STK17A: variants seen among roughly 807,000 people sequenced by gnomAD.
STK17A encodes serine/threonine kinase 17a, also known as serine/threonine-protein kinase 17A.
A neutral mutation model predicts 43.7 loss-of-function variants in STK17A; 26 were observed. The ratio of observed to expected loss-of-function variants is 0.60; its 90% CI spans 0.44 to 0.83. The LOEUF (loss-of-function observed/expected upper bound fraction) is 0.83. Ranked by LOEUF, STK17A falls within the 40% of genes least tolerant of loss-of-function variation. The pLI is 0.00. For synonymous variants in STK17A, 191 were observed against 182.5 expected, an observed-to-expected ratio of 1.05 and a Z score of -0.38; for missense variants, 476 against 511.6, an observed-to-expected ratio of 0.93 and a Z score of 0.67.
chr7:43,611,500 TTACC>T (rs1197607621), intron 3 of STK17A, among the ~76,000 whole-genome samples: 1 of 152,128 alleles, frequency 6.6e-6, no homozygotes, highest in Non-Finnish European at 1.5e-5. Flanking sequence ...ATGCTGAAGG[TTACC>T]TAGTTAAAAC....
At chr7:43,584,972 G>A (rs1306230446) in intron 1 of STK17A, among the ~76,000 whole-genome samples, 1 of 152,176 alleles carries the variant, frequency 6.6e-6, no homozygotes, top group Non-Finnish European at 1.5e-5. Context: ...TGAGGCGGGT[G>A]GATCACCTGA....
intron 4 of STK17A, 31 bp downstream of exon 4, chr7:43,619,754 G>T: frequency 6.2e-7 from 1 of 1,608,274 alleles, no homozygotes. Context: ...TTTTGTTCTG[G>T]GGTCAGGCAT....
intron 2 of STK17A, among the ~76,000 whole-genome samples, chr7:43,599,900 G>A (rs2082544287): frequency 6.6e-6 from 1 of 151,808 alleles, no homozygotes; most frequent in Non-Finnish European, 1.5e-5. Context: ...GGCATTTAAA[G>A]GCTGGAGTTC....
intron 2 of STK17A, among the ~76,000 whole-genome samples, chr7:43,598,807 A>T (rs2082537574): frequency 6.6e-6 from 1 of 151,086 alleles, no homozygotes; most frequent in Admixed American, 6.6e-5. Flanking sequence ...TCTGTGACCC[A>T]GGCTGGAGTG....
rs904149545 is a variant in STK17A, at chr7:43,589,084, G to C, written c.206+5635G>C. ...GTCAATAAAACAGCAAGTCAGAGCAGTAGAAAAATTCAGTGAAGAGAGAAT... is the reference window on the plus strand; with the variant it reads ...GTCAATAAAACAGCAAGTCAGAGCACTAGAAAAATTCAGTGAAGAGAGAAT... On this transcript the variant is annotated intron_variant, in intron 1 of 6. Coordinates refer to ENST00000319357, the MANE Select transcript of STK17A (RefSeq NM_004760.3). 2.6e-5 allele frequency among the ~76,000 whole-genome samples: 4 copies of C among 151,572 alleles called. 1 individual carries two copies. Among genetic ancestry groups the C allele is most frequent in the Non-Finnish European group, 5.9e-5 (4 of 67,620 alleles).
At chr7:43,588,606 C>G (rs2082459263) in intron 1 of STK17A, among the ~76,000 whole-genome samples, 4 of 151,280 alleles carry the variant, frequency 2.6e-5, no homozygotes, top group African/African-American at 9.7e-5. Context: ...TTTAGGAGGC[C>G]AAGGTGGGCG....
intron 2 of STK17A, among the ~76,000 whole-genome samples, chr7:43,606,571 A>AT (rs951759667): frequency 1.3e-5 from 2 of 152,164 alleles, no homozygotes; most frequent in Admixed American, 6.5e-5. Context: ...TCCCAGTAAA[A>AT]TTTTTTGGTT....
chr7:43,617,956 G>A (rs2083495494), intron 3 of STK17A, among the ~76,000 whole-genome samples: 1 of 151,874 alleles, frequency 6.6e-6, no homozygotes, highest in African/African-American at 2.4e-5. Context: ...AGGAAGGAGT[G>A]GTTAACTTTG....
Position 43,627,179 on chromosome 7 carries a change from A to ATGTATAAT in STK17A, c.*2337_*2338insTGTATAAT. ...GAAACGTTGTTTATGAAATGTATAA[A>ATGTATAAT]ATGTATAAGTTTTAATCAACTGGGA... On this transcript the variant is annotated 3_prime_UTR_variant, in exon 7 of 7. Coordinates refer to ENST00000319357, the MANE Select transcript of STK17A (RefSeq NM_004760.3). 6.6e-6 allele frequency among the ~76,000 whole-genome samples: 1 copy of ATGTATAAT among 152,228 alleles called. No individual in the cohort carries two copies. Among genetic ancestry groups the ATGTATAAT allele is most frequent in the Admixed American group, 6.5e-5 (1 of 15,280 alleles).
chr7:43,586,886 G>A (rs2082443766), intron 1 of STK17A, among the ~76,000 whole-genome samples: 1 of 151,404 alleles, frequency 6.6e-6, no homozygotes, highest in East Asian at 1.9e-4. Flanking sequence ...ACTTTATAAT[G>A]TGCAGGCCTT....
At chr7:43,600,581 T>A (rs2082548440) in intron 2 of STK17A, among the ~76,000 whole-genome samples, 1 of 152,216 alleles carries the variant, frequency 6.6e-6, no homozygotes, top group Admixed American at 6.5e-5. Context: ...ATGTAAATTT[T>A]AAAATAAGTT....
Position 43,583,363 on chromosome 7 carries a change from C to T in STK17A, c.120C>T (p.Arg40=), listed in dbSNP as rs1275407299. The change falls in exon 1 of 7, where the codon CGC becomes CGT. Residue 40 remains arginine, a synonymous_variant. Coordinates refer to ENST00000319357, the MANE Select transcript of STK17A (RefSeq NM_004760.3). ...GGCCGCCGCCGCCGCCCCAGGCCCGCGGGCTGCTGACAGAGATACGCGCCG... is the reference window on the plus strand; with the variant it reads ...GGCCGCCGCCGCCGCCCCAGGCCCGTGGGCTGCTGACAGAGATACGCGCCG... The part of the protein sequence containing the change: ...PCRPPPPPQA[R]GLLTEIRAVV... The T allele has an allele frequency of 1.4e-6, 2 of 1,444,910 alleles. No individual in the cohort carries two copies. The highest frequency in any genetic ancestry group is 9.1e-7 in the Non-Finnish European group (1 of 1,096,388). 89.5% of individuals were successfully genotyped at this position (1,444,910 alleles called of 1,614,324 possible).
intron 3 of STK17A, among the ~76,000 whole-genome samples, chr7:43,619,066 T>C (rs2083608040): frequency 6.6e-6 from 1 of 152,150 alleles, no homozygotes; most frequent in Non-Finnish European, 1.5e-5. Context: ...ATTTCAACAA[T>C]ACAAGGATGC....
intron 2 of STK17A, among the ~76,000 whole-genome samples, chr7:43,603,682 A>G (rs1310556502): frequency 1.3e-5 from 2 of 152,222 alleles, no homozygotes; most frequent in Admixed American, 6.5e-5. Flanking sequence ...GATGCTAAGG[A>G]TAGAATAACT....
rs1477821278 is a variant in STK17A at position 43,583,303 on chromosome 7, G to A, written c.60G>A (p.Ser20=). 1.3e-6 allele frequency: 2 copies of A among 1,526,172 alleles called. No homozygotes were observed. The highest frequency in any genetic ancestry group is 2.8e-5 in the East Asian group (1 of 36,004). The allele number at this position is 1,526,172 out of a possible 1,614,324, so 94.5% of individuals were successfully genotyped here. A position where few individuals can be genotyped will look rare whatever the true frequency, so the allele number is the denominator to read the frequency against. The stretch of plus-strand genomic sequence containing the variant: ...CCTCCCCAGGCGCCACCTCAGGCTC[G>A]GGCCGGGCAGGCCGGGGTCTGAGCG... ...GGSSPGATSG[S]GRAGRGLSGP... is the part of the protein sequence containing the mutation. The change falls in exon 1 of 7, where the codon TCG becomes TCA. Residue 20 remains serine (S), a synonymous_variant. Transcript: ENST00000319357.
chr7:43,586,370 T>A (rs1221962610), intron 1 of STK17A, among the ~76,000 whole-genome samples: 1 of 151,564 alleles, frequency 6.6e-6, no homozygotes, highest in Non-Finnish European at 1.5e-5. Flanking sequence ...AATGACAGGA[T>A]GTGATGTTGA....
At chr7:43,613,687 T>TA (rs2083081742) in intron 3 of STK17A, among the ~76,000 whole-genome samples, 1 of 151,600 alleles carries the variant, frequency 6.6e-6, no homozygotes, top group African/African-American at 2.4e-5. Flanking sequence ...CACAAAAAAT[T>TA]AAAAAAATCA....
At chr7:43,583,492 C>A (rs948690287) in intron 1 of STK17A, 43 bp downstream of exon 1, 7 of 1,254,930 alleles carry the variant, frequency 5.6e-6, no homozygotes, top group African/African-American at 1.6e-5. Context: ...CCCGGACGCG[C>A]GGGGCGGGAC....
At chr7:43,608,447 A>G (rs904738780) in intron 3 of STK17A, 47 bp downstream of exon 3, 24 of 1,569,358 alleles carry the variant, frequency 1.5e-5, no homozygotes, top group Non-Finnish European at 2.1e-5. Flanking sequence ...ATGACATTCA[A>G]GACATAAAAT....
Sources: gnomAD v4.1 joint callset for allele counts (sites outside exome capture counted in the v4.1 genomes callset) on GRCh38, gnomAD v4.1.1 for gene constraint, MANE v1.5 for transcripts, NCBI Gene and HGNC (gene_info 2026-07-23, HGNC 2026-07-21) for gene names.